Variants in RTP2 observed in about 807,000 individuals in gnomAD.
RTP2 encodes the protein receptor-transporting protein 2.
In RTP2, 12 loss-of-function variants were observed where a neutral mutation model predicts 17.9. That is an observed-to-expected ratio of 0.67 (90% confidence interval 0.43 to 1.09). The LOEUF is 1.09. Ranked by LOEUF, RTP2 falls within the 50% of genes least tolerant of loss-of-function variation. The pLI is 0.00. For missense variants in RTP2, 327 were observed against 295.7 expected, an observed-to-expected ratio of 1.11 and a Z score of -0.78; for synonymous variants, 126 against 117.7, an observed-to-expected ratio of 1.07 and a Z score of -0.46.
At chr3:187,698,592 T>C (rs1410980496) in exon 2 of RTP2, 1 of 1,614,142 alleles carries the variant, frequency 6.2e-7, no homozygotes, top group East Asian at 2.2e-5. Context: ...AGACAAGAAG[T>C]TGTAGCCGGA....
At chr3:187,709,983 C>T in the RTP2 span, among the ~76,000 whole-genome samples, 1 of 152,128 alleles carries the variant, frequency 6.6e-6, no homozygotes, top group Admixed American at 6.5e-5. Flanking sequence ...TGCTTGGACA[C>T]CATTTCTGGA....
At chr3:187,703,494 C>T (rs1318434110), upstream of RTP2, among the ~76,000 whole-genome samples, 1 of 152,200 alleles carries the variant, frequency 6.6e-6, no homozygotes, top group Non-Finnish European at 1.5e-5. Flanking sequence ...TAGAAGAGCT[C>T]TTTTATTTTT....
upstream of RTP2, among the ~76,000 whole-genome samples, chr3:187,706,911 T>C (rs1405010072): frequency 6.6e-6 from 1 of 152,176 alleles, no homozygotes; most frequent in Non-Finnish European, 1.5e-5. Context: ...AGAGTGAACA[T>C]TTCTTTAAAC....
At chr3:187,708,177 T>A in the RTP2 span, among the ~76,000 whole-genome samples, 1 of 152,210 alleles carries the variant, frequency 6.6e-6, no homozygotes, top group Non-Finnish European at 1.5e-5. Context: ...TACATCAGCA[T>A]GTGACAAATG....
At chr3:187,699,543 CT>C (rs1717787274) in intron 1 of RTP2, among the ~76,000 whole-genome samples, 1 of 152,116 alleles carries the variant, frequency 6.6e-6, no homozygotes, top group African/African-American at 2.4e-5. Context: ...CAGTAAACCA[CT>C]GAGAATGATG....
the RTP2 span, among the ~76,000 whole-genome samples, chr3:187,714,612 A>G: frequency 6.6e-6 from 1 of 152,212 alleles, no homozygotes; most frequent in African/African-American, 2.4e-5. Context: ...GCTAGAATGC[A>G]CCAGTAGAAC....
At chr3:187,707,020 G>A (rs1281609621), upstream of RTP2, among the ~76,000 whole-genome samples, 1 of 152,166 alleles carries the variant, frequency 6.6e-6, no homozygotes, top group Non-Finnish European at 1.5e-5. Context: ...AGGTCTTCTT[G>A]GAAAAATTAT....
At chr3:187,714,950 G>A in the RTP2 span, among the ~76,000 whole-genome samples, 1 of 149,588 alleles carries the variant, frequency 6.7e-6, no homozygotes, top group South Asian at 2.1e-4. Context: ...GAAACTGTAA[G>A]CCTCTGTACG....
exon 2 of RTP2, chr3:187,698,642 G>C: frequency 6.2e-7 from 1 of 1,614,246 alleles, no homozygotes; most frequent in South Asian, 1.1e-5. Flanking sequence ...CAGAGGTGTA[G>C]GTGGTCACCT....
intron 1 of RTP2, among the ~76,000 whole-genome samples, chr3:187,701,198 T>G (rs1207495574): frequency 6.6e-6 from 1 of 152,156 alleles, no homozygotes; most frequent in South Asian, 2.1e-4. Context: ...TCCCCAATCA[T>G]GATCTAAAAG....
chr3:187,708,982 T>C, the RTP2 span, among the ~76,000 whole-genome samples: 1 of 146,452 alleles, frequency 6.8e-6, no homozygotes, highest in Non-Finnish European at 1.5e-5. Context: ...TTTTTTTTTT[T>C]CTGTCTTCCC....
upstream of RTP2, among the ~76,000 whole-genome samples, chr3:187,705,088 G>C (rs1717958357): frequency 6.6e-6 from 1 of 151,998 alleles, no homozygotes; most frequent in South Asian, 2.1e-4. Context: ...TATTATCCTA[G>C]ATAGAGATTT....
exon 1 of RTP2, chr3:187,702,502 C>T (rs780239825): frequency 2.4e-5 from 11 of 466,776 alleles, no homozygotes; most frequent in Non-Finnish European, 3.4e-5. Context: ...CTGCTTCACC[C>T]AACTGCTCTT....
chr3:187,701,127 G>T (rs1269012962), intron 1 of RTP2, among the ~76,000 whole-genome samples: 1 of 152,180 alleles, frequency 6.6e-6, no homozygotes, highest in Non-Finnish European at 1.5e-5. Context: ...CAGGAAAAAG[G>T]CCTGCACAGA....
At chr3:187,712,787 A>G in the RTP2 span, among the ~76,000 whole-genome samples, 1 of 152,188 alleles carries the variant, frequency 6.6e-6, no homozygotes, top group African/African-American at 2.4e-5. Context: ...AGTGAGAGCA[A>G]TCTCCTACCT....
chr3:187,698,619 G>A, exon 2 of RTP2: 5 of 1,614,208 alleles, frequency 3.1e-6, no homozygotes, highest in South Asian at 1.1e-5. Context: ...CTGGGCCCTC[G>A]GCTTGGAGGC....
At chr3:187,699,342 C>G (rs76561662) in intron 1 of RTP2, among the ~76,000 whole-genome samples, 1 of 152,188 alleles carries the variant, frequency 6.6e-6, no homozygotes, top group Non-Finnish European at 1.5e-5. Context: ...TCATCCCCCC[C>G]TCTCTGGGCT....
At chr3:187,714,519 T>C in the RTP2 span, among the ~76,000 whole-genome samples, 1 of 152,238 alleles carries the variant, frequency 6.6e-6, no homozygotes, top group Non-Finnish European at 1.5e-5. Context: ...GCCCCATTTA[T>C]ACCTTCCTGC....
chr3:187,707,780 T>G, the RTP2 span, among the ~76,000 whole-genome samples: 80 of 152,332 alleles, frequency 5.3e-4, no homozygotes, highest in African/African-American at 1.8e-3. Flanking sequence ...TCTCTTCCTT[T>G]TCCCCATAAA....
Sources: allele counts gnomAD v4.1 joint callset (sites outside exome capture counted in the v4.1 genomes callset), GRCh38; gene constraint gnomAD v4.1.1; transcripts MANE v1.5; gene names NCBI Gene and HGNC (gene_info 2026-07-23, HGNC 2026-07-21).